The following SLIT3 variants were observed in gnomAD, a reference collection of about 807,000 sequenced individuals.
The protein encoded by SLIT3 is slit homolog 3 protein.
Under a neutral mutation model 184.0 loss-of-function variants are expected in SLIT3, and 68 were observed. The observed-to-expected ratio is 0.37, with a 90% CI of 0.30 to 0.45. SLIT3 has a LOEUF of 0.45. Ranked by LOEUF, SLIT3 falls within the 20% of genes least tolerant of loss-of-function variation. SLIT3 has a pLI of 1.00. For synonymous variants in SLIT3, 831 were observed against 828.6 expected (o/e 1.00, Z -0.05); for missense variants, 1,707 against 2,026.0 (o/e 0.84, Z 3.02).
At chr5:169,168,247 A>G (rs1762702234) in intron 4 of SLIT3, among the ~76,000 whole-genome samples, 3 of 152,240 alleles carry the variant, frequency 2.0e-5, no homozygotes, top group Admixed American at 6.5e-5. Context: ...GCATCTTACA[A>G]AACTGTGATT....
intron 4 of SLIT3, among the ~76,000 whole-genome samples, chr5:169,185,812 C>A (rs1763314318): frequency 6.6e-6 from 1 of 152,098 alleles, no homozygotes; most frequent in Admixed American, 6.5e-5. Flanking sequence ...GCGCCTGGCA[C>A]TTTAGTTAGT....
At chr5:169,097,428 A>G (rs1759830404) in intron 4 of SLIT3, among the ~76,000 whole-genome samples, 1 of 152,180 alleles carries the variant, frequency 6.6e-6, no homozygotes, top group Admixed American at 6.5e-5. Context: ...GAAGAAAGGT[A>G]GAAGGTGGAA....
At chr5:168,696,489 T>G in intron 27 of SLIT3, 58 bp from the exon 28 acceptor site, 79 of 1,596,646 alleles carry the variant, frequency 4.9e-5, no homozygotes, top group African/African-American at 8.0e-5. Context: ...AGAGGTGGGT[T>G]GGGATGGCAG....
At chr5:169,030,713 A>C (rs1756997126) in intron 4 of SLIT3, among the ~76,000 whole-genome samples, 1 of 152,220 alleles carries the variant, frequency 6.6e-6, no homozygotes, top group Admixed American at 6.5e-5. Flanking sequence ...CCTATTCAAA[A>C]TATTTTCATC....
At chr5:168,906,260 G>T (rs1761050017) in intron 4 of SLIT3, among the ~76,000 whole-genome samples, 2 of 152,172 alleles carry the variant, frequency 1.3e-5, no homozygotes, top group African/African-American at 4.8e-5. Flanking sequence ...ACTAATGACT[G>T]GTTTGGTGCG....
chr5:168,850,446 T>A (rs1758628363), intron 5 of SLIT3, among the ~76,000 whole-genome samples: 1 of 152,248 alleles, frequency 6.6e-6, no homozygotes, highest in South Asian at 2.1e-4. Flanking sequence ...TGTAGTTACA[T>A]GTAATATTGT....
rs778998998 is a variant in SLIT3 at position 168,842,469 on chromosome 5, G to GTTTTTTTTTTTTT, written c.557+2102_557+2114dup. On this transcript the variant is annotated intron_variant, in intron 6 of 35. Coordinates refer to ENST00000519560, the MANE Select transcript of SLIT3 (RefSeq NM_003062.4). ...TGGTGCATCTGGATACCGTTTTTTC[G>GTTTTTTTTTTTTT]TTTTTTTTTTTTTTTTTTGTATCTG... Among the ~76,000 whole-genome samples, 72 of 88,072 alleles carry GTTTTTTTTTTTTT rather than the reference G, an allele frequency of 8.2e-4. 5 individuals are homozygous for GTTTTTTTTTTTTT. The highest frequency in any genetic ancestry group is 1.3e-3 in the African/African-American group (27 of 20,854). The allele number at this position is 88,072 out of a possible 152,430, so 57.8% of individuals were successfully genotyped here. A position where few individuals can be genotyped will look rare whatever the true frequency, so the allele number is the denominator to read the frequency against.
At chr5:169,185,735 A>G (rs1478995653) in intron 4 of SLIT3, among the ~76,000 whole-genome samples, 1 of 152,226 alleles carries the variant, frequency 6.6e-6, no homozygotes, top group Non-Finnish European at 1.5e-5. Flanking sequence ...CAGTCATTCA[A>G]CAACTCTGAG....
chr5:169,138,967 C>G (rs1276968779), intron 4 of SLIT3, among the ~76,000 whole-genome samples: 1 of 152,182 alleles, frequency 6.6e-6, no homozygotes, highest in Non-Finnish European at 1.5e-5. Flanking sequence ...CACATCCAGC[C>G]CCACTGCTCC....
chr5:168,731,921 T>C (rs1763300776), intron 20 of SLIT3, among the ~76,000 whole-genome samples: 1 of 152,108 alleles, frequency 6.6e-6, no homozygotes, highest in African/African-American at 2.4e-5. Flanking sequence ...ACCACTCTTA[T>C]TCAGTGTAGT....
intron 4 of SLIT3, among the ~76,000 whole-genome samples, chr5:168,998,524 T>C (rs1433530875): frequency 6.6e-6 from 1 of 151,850 alleles, no homozygotes; most frequent in African/African-American, 2.4e-5. Flanking sequence ...GCCAATATGG[T>C]GAAACCCCGT....
chr5:169,172,471 G>T (rs529282576), intron 4 of SLIT3, among the ~76,000 whole-genome samples: 1 of 152,142 alleles, frequency 6.6e-6, no homozygotes, highest in Non-Finnish European at 1.5e-5. Flanking sequence ...GGAAATTCAC[G>T]GTGCATATTA....
At chr5:168,901,281 G>T (rs372391098) in intron 4 of SLIT3, among the ~76,000 whole-genome samples, 1 of 151,984 alleles carries the variant, frequency 6.6e-6, no homozygotes, top group African/African-American at 2.4e-5. Context: ...GGAGAATGAC[G>T]TGAACCTGGG....
At chr5:168,969,486 C>A (rs1461411820) in intron 4 of SLIT3, among the ~76,000 whole-genome samples, 1 of 152,210 alleles carries the variant, frequency 6.6e-6, no homozygotes, top group Non-Finnish European at 1.5e-5. Flanking sequence ...CCCCAAATTG[C>A]AGGACTTTGT....
intron 9 of SLIT3, among the ~76,000 whole-genome samples, chr5:168,804,670 C>T (rs973422699): frequency 2.0e-5 from 3 of 152,074 alleles, no homozygotes; most frequent in Admixed American, 6.5e-5. Flanking sequence ...CCAGAGGGTG[C>T]GGAGGCATGG....
chr5:169,141,997 C>G (rs1412234783), intron 4 of SLIT3, among the ~76,000 whole-genome samples: 1 of 150,912 alleles, frequency 6.6e-6, no homozygotes, highest in Non-Finnish European at 1.5e-5. Flanking sequence ...TTGCAGTGAG[C>G]CAAGATCGCA....
chr5:168,764,920 C>T (rs74848582), intron 14 of SLIT3, among the ~76,000 whole-genome samples: 38,783 of 152,100 alleles, frequency 0.25, 5,834 homozygotes, highest in East Asian at 0.55. Context: ...ATCAGCGTGC[C>T]GAGTCCTGGG....
At chr5:168,854,388 C>A (rs1758783430) in intron 5 of SLIT3, among the ~76,000 whole-genome samples, 1 of 133,240 alleles carries the variant, frequency 7.5e-6, no homozygotes, top group Non-Finnish European at 1.6e-5. Flanking sequence ...AACAGTGTCC[C>A]CACCATTGCC....
chr5:169,273,703 G>A (rs1417616244), intron 1 of SLIT3, among the ~76,000 whole-genome samples: 2 of 152,152 alleles, frequency 1.3e-5, no homozygotes, highest in Non-Finnish European at 2.9e-5. Flanking sequence ...CTTTGAGGCT[G>A]AGTTTACAAG....
Sources: allele counts gnomAD v4.1 joint callset (sites outside exome capture counted in the v4.1 genomes callset), GRCh38; gene constraint gnomAD v4.1.1; transcripts MANE v1.5; gene names NCBI Gene and HGNC (gene_info 2026-07-23, HGNC 2026-07-21).